GABRR3: variants seen among roughly 807,000 people sequenced by gnomAD.
GABRR3 encodes gamma-aminobutyric acid type A receptor subunit rho3.
A neutral mutation model predicts 43.2 loss-of-function variants in GABRR3; 29 were observed. The ratio of observed to expected loss-of-function variants is 0.67; its 90% CI spans 0.50 to 0.92. GABRR3 has a LOEUF of 0.92. GABRR3 is among the 40% of genes least tolerant of loss of function. The pLI is 0.00. For synonymous variants in GABRR3, 206 were observed against 195.9 expected (o/e 1.05, Z -0.43); for missense variants, 576 against 572.3 (o/e 1.01, Z -0.07).
intron 3 of GABRR3, among the ~76,000 whole-genome samples, chr3:98,018,563 C>G (rs2107243830): frequency 6.6e-6 from 1 of 152,246 alleles, no homozygotes. Context: ...GATTTCACCA[C>G]TTCCAGTGTG....
chr3:98,007,513 TTACTC>T (rs1706736229), intron 7 of GABRR3, among the ~76,000 whole-genome samples: 1 of 152,146 alleles, frequency 6.6e-6, no homozygotes, highest in South Asian at 2.1e-4. Context: ...TCCAAAGAGA[TTACTC>T]TGTCTGCTGT....
intron 4 of GABRR3, among the ~76,000 whole-genome samples, chr3:98,014,392 A>T (rs1706849752): frequency 6.6e-6 from 1 of 152,192 alleles, no homozygotes; most frequent in Admixed American, 6.5e-5. Flanking sequence ...TTCAGAAATG[A>T]CTTGGATAAT....
intron 2 of GABRR3, among the ~76,000 whole-genome samples, chr3:98,027,887 G>T (rs2107250921): frequency 6.6e-6 from 1 of 151,984 alleles, no homozygotes; most frequent in Non-Finnish European, 1.5e-5. Flanking sequence ...TACACATTAT[G>T]CATTTAAAGA....
exon 10 of GABRR3, chr3:97,986,891 A>T (rs1194344454): frequency 1.9e-6 from 3 of 1,611,636 alleles, no homozygotes; most frequent in East Asian, 2.2e-5. Flanking sequence ...GTTTAGAGAG[A>T]GGGAAGTCTG....
At chr3:98,004,220 G>A (rs1706693670) in intron 7 of GABRR3, among the ~76,000 whole-genome samples, 1 of 152,156 alleles carries the variant, frequency 6.6e-6, no homozygotes, top group Admixed American at 6.5e-5. Context: ...GATGAAAATA[G>A]GGTGATGATG....
At chr3:97,989,540 AG>A (rs988592671) in intron 9 of GABRR3, among the ~76,000 whole-genome samples, 1 of 151,638 alleles carries the variant, frequency 6.6e-6, no homozygotes, top group Admixed American at 6.6e-5. Flanking sequence ...TAATGGTGGT[AG>A]GGGGGTGATG....
rs537647990 is a variant in GABRR3, at chr3:98,015,471, T to C, written c.306+2184A>G. On this transcript the variant is annotated intron_variant, in intron 4 of 9. Coordinates refer to ENST00000621172, the Ensembl canonical transcript of GABRR3. ...TTGGCCTCCCGAAGTGCTGGGATTA[T>C]AGGCATGAGCCACTGCTCTTGGCCC... is the stretch of plus-strand genomic sequence containing the variant. 4.9e-4 allele frequency among the ~76,000 whole-genome samples: 74 copies of C among 152,310 alleles called. 1 individual carries two copies. The highest frequency in any genetic ancestry group is 1.6e-3 in the African/African-American group (66 of 41,576).
intron 6 of GABRR3, 158 bp downstream of exon 6, chr3:98,008,798 C>CAAAAAAAAAAAAAAAAA (rs57502092): frequency 2.6e-5 from 3 of 113,848 alleles, no homozygotes; most frequent in Non-Finnish European, 3.5e-5. Context: ...AAACAGAAAC[C>CAAAAAAAAAAAAAAAAA]AAAAAAAAAA....
intron 9 of GABRR3, among the ~76,000 whole-genome samples, chr3:97,991,695 A>G (rs937688622): frequency 6.6e-6 from 1 of 152,216 alleles, no homozygotes; most frequent in African/African-American, 2.4e-5. Context: ...TTCGTTTATA[A>G]AATAGAGATA....
At chr3:98,003,149 T>C (rs1282142462) in intron 7 of GABRR3, among the ~76,000 whole-genome samples, 3 of 152,168 alleles carry the variant, frequency 2.0e-5, no homozygotes, top group Admixed American at 2.0e-4. Flanking sequence ...AAGCTTCTCA[T>C]TGTCTTGTAT....
intron 4 of GABRR3, among the ~76,000 whole-genome samples, chr3:98,013,940 G>A (rs143975087): frequency 5.9e-5 from 9 of 152,278 alleles, no homozygotes; most frequent in East Asian, 5.8e-4. Flanking sequence ...GTCACCACAC[G>A]CTGGCACTAT....
chr3:97,989,601 G>A (rs1706436448), intron 9 of GABRR3, among the ~76,000 whole-genome samples: 1 of 151,942 alleles, frequency 6.6e-6, no homozygotes, highest in African/African-American at 2.4e-5. Context: ...TCCATAGCGA[G>A]GCCTAACATT....
At chr3:97,995,310 T>C (rs559963800) in intron 8 of GABRR3, among the ~76,000 whole-genome samples, 1 of 152,198 alleles carries the variant, frequency 6.6e-6, no homozygotes, top group Non-Finnish European at 1.5e-5. Flanking sequence ...TATTGGTTTT[T>C]TAAGATATAA....
chr3:97,999,365 T>G (rs1019647089), intron 8 of GABRR3: 2 of 152,142 alleles, frequency 1.3e-5, no homozygotes, highest in Non-Finnish European at 2.9e-5. Flanking sequence ...TGTTGGCACA[T>G]GCTTCATCCC....
chr3:98,018,405 A>G (rs1179841041), intron 3 of GABRR3, among the ~76,000 whole-genome samples: 1 of 152,192 alleles, frequency 6.6e-6, no homozygotes, highest in Non-Finnish European at 1.5e-5. Context: ...GAAAATACTG[A>G]GAGTAGAATT....
chr3:97,992,276 G>C (rs773843352), intron 9 of GABRR3, among the ~76,000 whole-genome samples: 9 of 152,066 alleles, frequency 5.9e-5, no homozygotes, highest in Non-Finnish European at 1.3e-4. Flanking sequence ...GCTCTCGATG[G>C]AGAGAAACAT....
intron 7 of GABRR3, among the ~76,000 whole-genome samples, chr3:98,007,536 C>A (rs1294643649): frequency 1.3e-5 from 2 of 152,108 alleles, no homozygotes; most frequent in East Asian, 3.9e-4. Flanking sequence ...TGTATTGAGA[C>A]TGGAGAAGTC....
chr3:97,994,357 C>G (rs1706508899), intron 8 of GABRR3, among the ~76,000 whole-genome samples: 1 of 152,192 alleles, frequency 6.6e-6, no homozygotes, highest in African/African-American at 2.4e-5. Context: ...ATCAACACAA[C>G]TTGGCAATTT....
exon 9 of GABRR3, chr3:97,992,930 G>T: frequency 1.2e-6 from 2 of 1,613,636 alleles, no homozygotes; most frequent in East Asian, 2.2e-5. Flanking sequence ...TGACTGACAG[G>T]AACACAAAGA....
Sources: allele counts gnomAD v4.1 joint callset (sites outside exome capture counted in the v4.1 genomes callset), GRCh38; gene constraint gnomAD v4.1.1; transcripts MANE v1.5; gene names NCBI Gene and HGNC (gene_info 2026-07-23, HGNC 2026-07-21).